COL18A1: variants seen among roughly 807,000 people sequenced by gnomAD.
COL18A1 encodes collagen alpha-1(XVIII) chain.
A neutral mutation model predicts 168.0 loss-of-function variants in COL18A1; 133 were observed. The observed-to-expected ratio is 0.79, with a 90% CI of 0.69 to 0.91. The LOEUF (loss-of-function observed/expected upper bound fraction) is 0.91, where lower values mean the gene tolerates loss of function less well. Among genes scored for constraint, COL18A1 ranks in the 40% least tolerant of loss-of-function variants. COL18A1 has a pLI of 0.00. For missense variants in COL18A1, 2,126 were observed against 1,925.4 expected (o/e 1.10, Z -1.95); for synonymous variants, 949 against 809.0 (o/e 1.17, Z -2.94).
At chr21:45,455,946 G>C in intron 2 of COL18A1, 1 of 1,613,104 alleles carries the variant, frequency 6.2e-7, no homozygotes, top group Non-Finnish European at 8.5e-7. Flanking sequence ...AGCTTGGCCA[G>C]GGCGGAAACC....
rs187441532 is a variant in COL18A1 at position 45,429,143 on chromosome 21, T to C, written c.106+23670T>C. On this transcript the variant is annotated intron_variant, in intron 2 of 41. Coordinates refer to ENST00000651438, the MANE Select transcript of COL18A1 (RefSeq NM_001379500.1). The stretch of plus-strand genomic sequence containing the variant: ...GTCTCGATCTTCCGACCTTGTGATC[T>C]GCCCGCCTCGGCCTCCCAAATTGTT... Among the ~76,000 whole-genome samples, 311 of 152,286 alleles carry C rather than the reference T, an allele frequency of 2.0e-3. 3 individuals carry two copies. Among genetic ancestry groups the C allele is most frequent in the Non-Finnish European group, 1.7e-3 (118 of 68,026 alleles).
intron 2 of COL18A1, among the ~76,000 whole-genome samples, chr21:45,430,742 T>C (rs749971752): frequency 1.3e-5 from 2 of 152,100 alleles, no homozygotes; most frequent in Non-Finnish European, 2.9e-5. Flanking sequence ...CAAGGGAGCG[T>C]CAGTGGCCCG....
chr21:45,440,093 G>A (rs2034328620), intron 2 of COL18A1, among the ~76,000 whole-genome samples: 1 of 152,248 alleles, frequency 6.6e-6, no homozygotes, highest in African/African-American at 2.4e-5. Flanking sequence ...TGGGGCAAAC[G>A]TCTCCGGCCT....
At chr21:45,462,308 A>C (rs906498585) in intron 2 of COL18A1, among the ~76,000 whole-genome samples, 54 of 152,070 alleles carry the variant, frequency 3.6e-4, no homozygotes, top group Admixed American at 1.2e-3. Context: ...TCTCCCAACA[A>C]ATTTGAGAAG....
chr21:45,429,136 T>C (rs937396485), intron 2 of COL18A1, among the ~76,000 whole-genome samples: 2 of 152,106 alleles, frequency 1.3e-5, no homozygotes, highest in Non-Finnish European at 2.9e-5. Context: ...CTTCCGACCT[T>C]GTGATCTGCC....
intron 6 of COL18A1, among the ~76,000 whole-genome samples, chr21:45,476,895 CAT>C (rs1314479733): frequency 6.9e-5 from 10 of 143,932 alleles, no homozygotes; most frequent in Non-Finnish European, 1.4e-4. Flanking sequence ...GTGTAATGTA[CAT>C]GTGTGTGATG....
Position 45,480,113 on chromosome 21 carries a change from G to A in COL18A1, c.1355G>A (p.Gly452Glu). Residue 452 changes from glycine to glutamate, a missense_variant, in exon 11 of 42, where the codon GGG (glycine) becomes GAG (glutamate). Coordinates refer to ENST00000651438, the MANE Select transcript of COL18A1 (RefSeq NM_001379500.1). ...GAGAGAGGGCCCCCAGGACCCCAAG[G>A]GCCTCCAGGGCCCCCAGGACCCTCC... is the stretch of plus-strand genomic sequence containing the variant. ...VGERGPPGPQ[G>E]PPGPPGPSFR... The A allele has an allele frequency of 6.2e-7, 1 of 1,604,992 alleles. No individual in the cohort carries two copies. Among genetic ancestry groups the A allele is most frequent in the Non-Finnish European group, 8.5e-7 (1 of 1,172,116 alleles).
chr21:45,468,503 T>G lies in COL18A1; in HGVS notation c.368T>G (p.Val123Gly). The G allele has an allele frequency of 6.2e-7, 1 of 1,613,768 alleles. No homozygotes were observed. The highest frequency in any genetic ancestry group is 8.5e-7 in the Non-Finnish European group (1 of 1,179,982). The change falls in exon 3 of 42, where the codon GTG becomes GGG. Residue 123 changes from valine (V) to glycine (G), a missense_variant. Coordinates refer to ENST00000651438, the MANE Select transcript of COL18A1 (RefSeq NM_001379500.1). ...DSAQAMVLLG[V>G]KLSGVQDGHQ... ...GCGCAGGCCATGGTCTTGCTGGGCG[T>G]GAAGCTCTCTGGGGTGCAGGACGGG...
intron 2 of COL18A1, among the ~76,000 whole-genome samples, chr21:45,405,793 C>T (rs950066505): frequency 6.6e-5 from 10 of 151,310 alleles, no homozygotes; most frequent in African/African-American, 2.4e-4. Flanking sequence ...CGCGGGGTCT[C>T]GGGAGACGCG....
At chr21:45,493,353 T>C in intron 25 of COL18A1, 128 bp downstream of exon 25, 1 of 1,287,734 alleles carries the variant, frequency 7.8e-7, no homozygotes, top group Admixed American at 2.0e-5. Flanking sequence ...GAGGGGTACA[T>C]CCCTGCTCGG....
rs1266880468 is a variant in COL18A1, at chr21:45,509,378, A to G, written c.3272A>G (p.Gln1091Arg). 4 of 1,543,074 alleles carry G rather than the reference A, an allele frequency of 2.6e-6. No individual in the cohort carries two copies. The highest frequency in any genetic ancestry group is 3.5e-6 in the Non-Finnish European group (4 of 1,144,610). ...CAGGACAATGAAGTGGCCGCCTTGCAGCCCCCCGTGGTGCAGCTGCACGAC... is the reference window on the plus strand; with the variant it reads ...CAGGACAATGAAGTGGCCGCCTTGCGGCCCCCCGTGGTGCAGCTGCACGAC... ...RGTDNEVAAL[Q>R]PPVVQLHDSN... is the part of the protein sequence containing the mutation. Residue 1091 changes from glutamine to arginine, a missense_variant, in exon 39 of 42, where the codon CAG becomes CGG. Gln to Arg is a conservative substitution (Grantham distance 43, BLOSUM62 1). Coordinates refer to ENST00000651438, the MANE Select transcript of COL18A1 (RefSeq NM_001379500.1).
At chr21:45,476,933 G>T (rs1282352326) in intron 6 of COL18A1, among the ~76,000 whole-genome samples, 1 of 151,708 alleles carries the variant, frequency 6.6e-6, no homozygotes, top group Non-Finnish European at 1.5e-5. Flanking sequence ...GTGTGTGTGT[G>T]TGTGTGTGTG....
intron 2 of COL18A1, among the ~76,000 whole-genome samples, chr21:45,437,122 G>C (rs113837391): frequency 2.0e-3 from 110 of 53,990 alleles, no homozygotes; most frequent in Admixed American, 4.9e-3. Context: ...CTCACACACA[G>C]ACACACAGGC....
intron 2 of COL18A1, among the ~76,000 whole-genome samples, chr21:45,434,171 C>T (rs1457046365): frequency 6.6e-6 from 1 of 150,854 alleles, no homozygotes; most frequent in Non-Finnish European, 1.5e-5. Flanking sequence ...GTGCATGATC[C>T]AGAAACCCAG....
At chr21:45,507,288 C>A in intron 37 of COL18A1, 2 of 516,848 alleles carry the variant, frequency 3.9e-6, no homozygotes, top group Non-Finnish European at 6.9e-6. Flanking sequence ...ACTGGGAGGG[C>A]CGGGTGCTGG....
Position 45,434,824 on chromosome 21 carries a change from C to T in COL18A1, c.106+29351C>T, listed in dbSNP as rs971606592. On this transcript the variant is annotated intron_variant, in intron 2 of 41. Transcript: ENST00000651438. The stretch of plus-strand genomic sequence containing the variant: ...AGCCGGGCTTCCCGGAAAGGGGCAT[C>T]GCTTCTCTCTTTTGGGCTGTGCTGG... Among the ~76,000 whole-genome samples, 10 of 152,186 alleles carry T rather than the reference C, an allele frequency of 6.6e-5. No homozygotes were observed. In the South Asian group the frequency reaches 1.9e-3, roughly 28 times the overall value.
At chr21:45,421,511 G>A (rs1442933690) in intron 2 of COL18A1, 6 of 534,634 alleles carry the variant, frequency 1.1e-5, no homozygotes, top group South Asian at 2.8e-5. Context: ...GGCTCCACGC[G>A]GGTCAGCAGC....
intron 29 of COL18A1, chr21:45,495,641 T>G: frequency 3.5e-6 from 2 of 574,658 alleles, no homozygotes; most frequent in Admixed American, 2.5e-5. Flanking sequence ...TGCACATATA[T>G]GGCCGTACTC....
At chr21:45,489,436 G>A (rs779662248) in intron 18 of COL18A1, 50 bp from the exon 19 acceptor site, 7 of 1,437,310 alleles carry the variant, frequency 4.9e-6, no homozygotes, top group Non-Finnish European at 6.7e-6. Context: ...CGCTGCCTGA[G>A]GACTGGGCTG....
Sources: allele counts gnomAD v4.1 joint callset (sites outside exome capture counted in the v4.1 genomes callset), GRCh38; gene constraint gnomAD v4.1.1; transcripts MANE v1.5; gene names NCBI Gene and HGNC (gene_info 2026-07-23, HGNC 2026-07-21).